CXCL13: variants seen among roughly 807,000 people sequenced by gnomAD.
CXCL13 encodes the protein C-X-C motif chemokine 13.
Under a neutral mutation model 12.2 loss-of-function variants are expected in CXCL13, and 7 were observed. That is an observed-to-expected ratio of 0.57 (90% CI 0.33 to 1.07). The LOEUF is 1.07. Ranked by LOEUF, CXCL13 falls within the 50% of genes least tolerant of loss-of-function variation. The pLI is 0.04. For missense variants in CXCL13, 113 were observed against 127.4 expected, an observed-to-expected ratio of 0.89 and a Z score of 0.55; for synonymous variants, 47 against 42.4, an observed-to-expected ratio of 1.11 and a Z score of -0.42.
chr4:77,564,989 A>G (rs1258157660), intron 1 of CXCL13, among the ~76,000 whole-genome samples: 1 of 152,182 alleles, frequency 6.6e-6, no homozygotes, highest in African/African-American at 2.4e-5. Context: ...TTTGCTTCAC[A>G]AGCACATTTT....
intron 1 of CXCL13, among the ~76,000 whole-genome samples, chr4:77,552,751 G>T (rs986288759): frequency 1.3e-5 from 2 of 152,248 alleles, no homozygotes; most frequent in Non-Finnish European, 2.9e-5. Flanking sequence ...TTCTCTGCAT[G>T]GGGATGGCGA....
rs1217060821 is a variant in CXCL13 at position 77,611,730 on chromosome 4, C to CT, written c.*698dup. 3 of 381,164 alleles carry CT rather than the reference C, an allele frequency of 7.9e-6. No individual in the cohort carries two copies. The highest frequency in any genetic ancestry group is 1.4e-4 in the South Asian group (1 of 7,356). 23.6% of individuals were successfully genotyped at this position (381,164 alleles called of 1,614,324 possible). On this transcript the variant is annotated 3_prime_UTR_variant, in exon 4 of 4. Transcript: ENST00000682537. The stretch of plus-strand genomic sequence containing the variant: ...CTTTCACTCACATCTTTTTCACTGA[C>CT]TTTTTTTGTGGGGGGCGGGGCCGGG...
intron 1 of CXCL13, among the ~76,000 whole-genome samples, chr4:77,572,576 G>C (rs1252794065): frequency 6.6e-6 from 1 of 151,044 alleles, no homozygotes; most frequent in African/African-American, 2.5e-5. Flanking sequence ...TTATTAAGAA[G>C]TCAAAAAAAA....
chr4:77,591,547 T>G (rs1213874086), intron 1 of CXCL13, among the ~76,000 whole-genome samples: 1 of 98,410 alleles, frequency 1.0e-5, no homozygotes, highest in Non-Finnish European at 1.8e-5. Context: ...CAAGACTCCA[T>G]CTCAAAAAAA....
At chr4:77,525,306 A>G (rs1724735918) in intron 1 of CXCL13, among the ~76,000 whole-genome samples, 1 of 152,252 alleles carries the variant, frequency 6.6e-6, no homozygotes, top group African/African-American at 2.4e-5. Context: ...AACCAGCTCT[A>G]TAATAATTCT....
At chr4:77,546,595 C>A (rs1273412278) in intron 1 of CXCL13, among the ~76,000 whole-genome samples, 9 of 152,010 alleles carry the variant, frequency 5.9e-5, no homozygotes, top group Non-Finnish European at 1.2e-4. Context: ...GTGGTGATAT[C>A]CCCTTTATCA....
chr4:77,537,615 TA>T (rs887542437), intron 1 of CXCL13, among the ~76,000 whole-genome samples: 1 of 152,232 alleles, frequency 6.6e-6, no homozygotes, highest in Non-Finnish European at 1.5e-5. Flanking sequence ...AGCTAAGTTC[TA>T]AAATGTTTTC....
At chr4:77,580,187 T>C (rs904790183) in intron 1 of CXCL13, among the ~76,000 whole-genome samples, 2 of 152,158 alleles carry the variant, frequency 1.3e-5, no homozygotes, top group African/African-American at 4.8e-5. Flanking sequence ...AAGCCCTGAC[T>C]TGACTGCCAT....
intron 1 of CXCL13, among the ~76,000 whole-genome samples, chr4:77,545,227 C>T (rs982482882): frequency 3.5e-4 from 53 of 152,192 alleles, no homozygotes; most frequent in African/African-American, 1.0e-3. Flanking sequence ...CTTGGCAATG[C>T]GGGCTCTTTT....
chr4:77,591,326 G>A (rs1295371656), intron 1 of CXCL13, among the ~76,000 whole-genome samples: 1 of 151,930 alleles, frequency 6.6e-6, no homozygotes, highest in Non-Finnish European at 1.5e-5. Flanking sequence ...CCAAGTGGGT[G>A]GATCACAAGG....
intron 1 of CXCL13, among the ~76,000 whole-genome samples, chr4:77,595,811 G>A (rs1431274956): frequency 6.6e-6 from 1 of 152,146 alleles, no homozygotes; most frequent in Non-Finnish European, 1.5e-5. Context: ...CACAGTCTTG[G>A]AGCTATACTG....
rs182607777 is a variant in CXCL13, at chr4:77,520,709, C to T, written c.-43+8921C>T. On this transcript the variant is annotated intron_variant, in intron 1 of 4. Transcript: ENST00000286758. ...TTTCCTAATTGAATACACTTTATTT[C>T]TTTCTCTTGCCTGATTGTCCTGGCC... 5.3e-5 allele frequency among the ~76,000 whole-genome samples: 8 copies of T among 152,280 alleles called. 1 individual carries two copies. Among genetic ancestry groups the T allele is most frequent in the Admixed American group, 4.6e-4 (7 of 15,282 alleles).
At chr4:77,594,543 A>G (rs1034707607) in intron 1 of CXCL13, among the ~76,000 whole-genome samples, 1 of 151,092 alleles carries the variant, frequency 6.6e-6, no homozygotes, top group Non-Finnish European at 1.5e-5. Context: ...TGGCCATAAT[A>G]AAACATTTCA....
chr4:77,516,916 T>C (rs1456560752), intron 1 of CXCL13, among the ~76,000 whole-genome samples: 1 of 152,208 alleles, frequency 6.6e-6, no homozygotes, highest in Non-Finnish European at 1.5e-5. Flanking sequence ...CAATTTTGGA[T>C]CTTTCCTGCT....
At chr4:77,556,341 C>A (rs1220685219) in intron 1 of CXCL13, among the ~76,000 whole-genome samples, 1 of 152,012 alleles carries the variant, frequency 6.6e-6, no homozygotes, top group Non-Finnish European at 1.5e-5. Flanking sequence ...AAGCCAGACA[C>A]AAAAGAATAC....
intron 1 of CXCL13, among the ~76,000 whole-genome samples, chr4:77,593,587 C>A (rs1464691601): frequency 6.6e-6 from 1 of 152,244 alleles, no homozygotes; most frequent in African/African-American, 2.4e-5. Context: ...AAAATCATTT[C>A]ACATTTTATT....
intron 1 of CXCL13, among the ~76,000 whole-genome samples, chr4:77,574,089 T>A (rs1169547213): frequency 6.6e-6 from 1 of 151,970 alleles, no homozygotes; most frequent in Admixed American, 6.5e-5. Context: ...TATAAAAGGA[T>A]TTTTTTAAGA....
Position 77,611,029 on chromosome 4 carries a change from A to G in CXCL13, c.320A>G (p.Lys107Arg), listed in dbSNP as rs768499587. ...CTACCAGTTCCAGTGTTTAAGAGAAAGATTCCCTGATGCTGATATTTCCAC... is the reference window on the plus strand; with the variant it reads ...CTACCAGTTCCAGTGTTTAAGAGAAGGATTCCCTGATGCTGATATTTCCAC... ...STLPVPVFKR[K>R]IP The change falls in exon 4 of 4, where the codon AAG (lysine) becomes AGG (arginine). Residue 107 changes from lysine to arginine, a missense_variant. Physicochemically the swap from Lys to Arg is conservative, Grantham distance 26. Transcript: ENST00000682537. 194 of 1,610,774 alleles carry G rather than the reference A, an allele frequency of 1.2e-4. No homozygotes were observed. Among genetic ancestry groups the G allele is most frequent in the Middle Eastern group, 3.3e-4 (2 of 6,084 alleles).
At chr4:77,575,338 G>A (rs189200706) in intron 1 of CXCL13, among the ~76,000 whole-genome samples, 36 of 151,860 alleles carry the variant, frequency 2.4e-4, no homozygotes, top group Admixed American at 3.9e-4. Flanking sequence ...TAGGTTACAT[G>A]TACACAACAT....
Sources: allele counts gnomAD v4.1 joint callset (sites outside exome capture counted in the v4.1 genomes callset), GRCh38; gene constraint gnomAD v4.1.1; transcripts MANE v1.5; gene names NCBI Gene and HGNC (gene_info 2026-07-23, HGNC 2026-07-21).